Variants in EPB41L3 observed in about 807,000 individuals in gnomAD.
EPB41L3 encodes erythrocyte membrane protein band 4.1 like 3.
Under a neutral mutation model 127.1 loss-of-function variants are expected in EPB41L3, and 57 were observed. That is an observed-to-expected ratio of 0.45 (90% CI 0.36 to 0.56). EPB41L3 has a LOEUF of 0.56. Among genes scored for constraint, EPB41L3 ranks in the 20% least tolerant of loss-of-function variants. The probability of loss-of-function intolerance (pLI) is 0.00; values close to 1 mark genes in which losing one functional copy is unlikely to be tolerated. For synonymous variants in EPB41L3, 572 were observed against 549.5 expected (o/e 1.04, Z -0.57); for missense variants, 1,273 against 1,372.2 (o/e 0.93, Z 1.14).
intron 1 of EPB41L3, among the ~76,000 whole-genome samples, chr18:5,498,282 T>C (rs1020124248): frequency 1.3e-5 from 2 of 152,176 alleles, no homozygotes; most frequent in Non-Finnish European, 2.9e-5. Flanking sequence ...AGTTCATTAG[T>C]GTTCCCTATC....
At chr18:5,540,742 A>T (rs2093694409) in intron 1 of EPB41L3, among the ~76,000 whole-genome samples, 1 of 152,148 alleles carries the variant, frequency 6.6e-6, no homozygotes, top group Non-Finnish European at 1.5e-5. Flanking sequence ...CTGATGGGGT[A>T]CTTAGGGGAG....
chr18:5,552,476 G>T (rs747028082), intron 3 of EPB41L3, among the ~76,000 whole-genome samples: 6 of 152,166 alleles, frequency 3.9e-5, no homozygotes, highest in African/African-American at 4.8e-5. Flanking sequence ...GTTCCAGCAG[G>T]TACTTTTTGA....
chr18:5,555,559 C>A (rs1163776278), intron 3 of EPB41L3, among the ~76,000 whole-genome samples: 1 of 152,088 alleles, frequency 6.6e-6, no homozygotes, highest in Non-Finnish European at 1.5e-5. Flanking sequence ...AAATTAGAAA[C>A]CCAGGCATCT....
chr18:5,561,016 C>T lies in EPB41L3; in HGVS notation c.-306+51324G>A, dbSNP rs933339611. On this transcript the variant is annotated intron_variant, in intron 3 of 21. Coordinates refer to the EPB41L3 transcript ENST00000545076. The stretch of plus-strand genomic sequence containing the variant: ...ATTTTGAGATGGAGTCTCGCTCTGT[C>T]GCCCAGGCTGGAGTGCAGTGGCGCG... Among the ~76,000 whole-genome samples the T allele has an allele frequency of 1.2e-4, 17 of 144,290 alleles. No individual in the cohort carries two copies. In the South Asian group the frequency reaches 1.5e-3, roughly 13 times the overall value. 94.7% of individuals were successfully genotyped at this position (144,290 alleles called of 152,430 possible).
In EPB41L3 at chr18:5,599,587, C is replaced by T. The variant is rs558455968; in HGVS notation, c.-306+12753G>A. 4.6e-5 allele frequency among the ~76,000 whole-genome samples: 7 copies of T among 152,238 alleles called. No individual in the cohort carries two copies. In the East Asian group the frequency reaches 5.8e-4, roughly 13 times the overall value. On this transcript the variant is annotated intron_variant, in intron 3 of 21. Coordinates refer to the EPB41L3 transcript ENST00000545076. ...AACATCATCCCCTTAGTGCTGTTCT[C>T]GTGATAGTGAATGAGCTCTCACAAG...
chr18:5,433,806 G>T, intron 7 of EPB41L3, 97 bp downstream of exon 7: 1 of 1,356,730 alleles, frequency 7.4e-7, no homozygotes, highest in Non-Finnish European at 1.0e-6. Flanking sequence ...ACGTCTCGCC[G>T]TTAATGGACT....
intron 1 of EPB41L3, among the ~76,000 whole-genome samples, chr18:5,532,924 G>C (rs1333965941): frequency 1.3e-5 from 2 of 152,024 alleles, no homozygotes; most frequent in Non-Finnish European, 2.9e-5. Context: ...TAAGAGCATG[G>C]AGAAATAAGA....
At position 5,483,219 on chromosome 18, in the gene EPB41L3, T is replaced by A. The variant is rs73379568; in HGVS notation, c.184-4781A>T. On this transcript the variant is annotated intron_variant, in intron 2 of 22. Transcript: ENST00000341928. ...GCATGTGTGTATGTGTAGTTTTTTT[T>A]AGCCTTTGTTTCTGTTTTTAAATTT... 5.7e-3 allele frequency among the ~76,000 whole-genome samples: 864 copies of A among 152,238 alleles called. 8 individuals are homozygous for A. Among genetic ancestry groups the A allele is most frequent in the African/African-American group, 0.02 (825 of 41,560 alleles).
At chr18:5,434,588 T>A (rs1042880389) in intron 6 of EPB41L3, among the ~76,000 whole-genome samples, 1 of 152,162 alleles carries the variant, frequency 6.6e-6, no homozygotes, top group African/African-American at 2.4e-5. Flanking sequence ...CCCATGAGAT[T>A]ATAATGGAGC....
intron 3 of EPB41L3, among the ~76,000 whole-genome samples, chr18:5,578,050 G>A (rs779072198): frequency 2.2e-4 from 34 of 151,874 alleles, no homozygotes; most frequent in Non-Finnish European, 4.6e-4. Flanking sequence ...TCTGTACTAA[G>A]CAAAGAGGGC....
intron 1 of EPB41L3, among the ~76,000 whole-genome samples, chr18:5,512,001 A>C (rs1159130761): frequency 1.3e-5 from 2 of 152,270 alleles, no homozygotes; most frequent in African/African-American, 4.8e-5. Context: ...AGGTAGCATT[A>C]GAATTTTCTT....
intron 16 of EPB41L3, chr18:5,398,653 C>T (rs1483882454): frequency 7.5e-6 from 3 of 400,408 alleles, no homozygotes; most frequent in Non-Finnish European, 1.3e-5. Flanking sequence ...CTGGTTACCA[C>T]TACTCGGGAG....
At chr18:5,525,565 T>A (rs1392796161) in intron 1 of EPB41L3, among the ~76,000 whole-genome samples, 2 of 152,192 alleles carry the variant, frequency 1.3e-5, no homozygotes. Flanking sequence ...TGGGATTATA[T>A]GTAGAGATTA....
chr18:5,551,014 A>C (rs751686346), intron 3 of EPB41L3, among the ~76,000 whole-genome samples: 6 of 152,184 alleles, frequency 3.9e-5, no homozygotes, highest in Non-Finnish European at 7.3e-5. Context: ...CAACCTCTCT[A>C]ATCAAACCTT....
chr18:5,488,975 T>C, intron 2 of EPB41L3, 26 bp downstream of exon 2: 1 of 1,560,560 alleles, frequency 6.4e-7, no homozygotes, highest in South Asian at 1.2e-5. Flanking sequence ...AAACACTGCG[T>C]CATTAGTTTT....
chr18:5,398,262 G>T, intron 16 of EPB41L3, 119 bp from the exon 17 acceptor site: 1 of 1,169,440 alleles, frequency 8.6e-7, no homozygotes, highest in Non-Finnish European at 1.2e-6. Flanking sequence ...GAGGAAGAAC[G>T]AAGGAATCTC....
chr18:5,593,897 C>T (rs1013145386), intron 3 of EPB41L3, among the ~76,000 whole-genome samples: 1 of 152,194 alleles, frequency 6.6e-6, no homozygotes, highest in African/African-American at 2.4e-5. Flanking sequence ...CACCGGCGGT[C>T]AGAGTTTAAG....
Position 5,628,182 on chromosome 18 carries a change from T to C in EPB41L3, c.-468+740A>G, listed in dbSNP as rs2094943981. On this transcript the variant is annotated intron_variant, in intron 1 of 21. Transcript: ENST00000545076. ...CCGTCGGTAACTGCCATTATTTGAATGCGATATAGGAGATCCCACATAGAC... is the reference window on the plus strand; with the variant it reads ...CCGTCGGTAACTGCCATTATTTGAACGCGATATAGGAGATCCCACATAGAC... Among the ~76,000 whole-genome samples the C allele has an allele frequency of 2.6e-5, 4 of 152,236 alleles. No individual in the cohort carries two copies. In the South Asian group the frequency reaches 8.3e-4, roughly 32 times the overall value.
At chr18:5,448,076 A>C (rs982293919) in intron 3 of EPB41L3, among the ~76,000 whole-genome samples, 1 of 152,186 alleles carries the variant, frequency 6.6e-6, no homozygotes, top group Admixed American at 6.5e-5. Flanking sequence ...AAGGCTTTTA[A>C]GTTATTCGGG....
Sources: gnomAD v4.1 joint callset for allele counts (sites outside exome capture counted in the v4.1 genomes callset) on GRCh38, gnomAD v4.1.1 for gene constraint, MANE v1.5 for transcripts, NCBI Gene and HGNC (gene_info 2026-07-23, HGNC 2026-07-21) for gene names.